The following TICAM1 variants were observed in gnomAD, a reference collection of about 807,000 sequenced individuals.
The protein encoded by TICAM1 is TIR domain containing adaptor molecule 1, also known as TIR domain-containing adapter molecule 1.
For missense variants in TICAM1, 895 were observed against 938.2 expected (o/e 0.95, Z 0.60); for synonymous variants, 439 against 415.4 (o/e 1.06, Z -0.69).
Position 4,816,830 on chromosome 19 carries a change from G to A in TICAM1, c.1548C>T (p.His516=), listed in dbSNP as rs775931722. ...CCACCTTCCTGGCGAAGATCTGGGA[G>A]TGTTCGTCCAGCCGCACCAGCCCGG... The part of the protein sequence containing the change: ...LLSGLVRLDE[H]SQIFARKVAN... Residue 516 remains histidine, a synonymous_variant, in exon 2 of 2, where the codon CAC becomes CAT. Transcript: ENST00000248244. This position sits in a 1 kb window ranked among gnomAD's most constrained non-coding sequence, Gnocchi z 4.3. The A allele has an allele frequency of 6.2e-6, 10 of 1,612,658 alleles. No individual in the cohort carries two copies. The highest frequency in any genetic ancestry group is 8.5e-6 in the Non-Finnish European group (10 of 1,180,042).
chr19:4,819,199 A>C (rs972012133), intron 1 of TICAM1, among the ~76,000 whole-genome samples: 1 of 151,650 alleles, frequency 6.6e-6, no homozygotes, highest in Non-Finnish European at 1.5e-5. Flanking sequence ...GCTTAAGCCC[A>C]GGAGGTTGAG....
Position 4,818,383 on chromosome 19 carries a change from C to T in TICAM1, c.-6G>A. 6.4e-7 allele frequency: 1 copy of T among 1,572,988 alleles called. No homozygotes were observed. Among genetic ancestry groups the T allele is most frequent in the South Asian group, 1.2e-5 (1 of 85,474 alleles). On this transcript the variant is annotated 5_prime_UTR_variant, in exon 2 of 2. In the 5' UTR this introduces an upstream ATG that the reference lacks. Coordinates refer to ENST00000248244, the MANE Select transcript of TICAM1 (RefSeq NM_182919.4). This position sits in a 1 kb window ranked among gnomAD's most constrained non-coding sequence, Gnocchi z 4.0. ...GATGGGCCTGTGCAGGCCATGGGCA[C>T]AGGTGGGTGCAGCCTCCGGCAGCAG...
intron 1 of TICAM1, among the ~76,000 whole-genome samples, chr19:4,828,176 G>A (rs149647550): frequency 0.011 from 1,610 of 151,852 alleles, 27 homozygotes; most frequent in African/African-American, 0.036. Context: ...GTGCAGTGGC[G>A]CGATCTCGGC....
In TICAM1 at chr19:4,816,579, C is replaced by T. The variant is rs1205209111; in HGVS notation, c.1799G>A (p.Gly600Glu). The T allele has an allele frequency of 6.2e-7, 1 of 1,613,198 alleles. No individual in the cohort carries two copies. Among genetic ancestry groups the T allele is most frequent in the East Asian group, 2.2e-5 (1 of 44,888 alleles). The change falls in exon 2 of 2, where the codon GGG becomes GAG. Residue 600 changes from glycine to glutamate, a missense_variant. Coordinates refer to ENST00000248244, the MANE Select transcript of TICAM1 (RefSeq NM_182919.4). This position sits in a 1 kb window ranked among gnomAD's most constrained non-coding sequence, Gnocchi z 4.3. The stretch of plus-strand genomic sequence containing the variant: ...GGGCATTCGAGCCCCATAGGGCGCC[C>T]CAGTCCCAAATGACATGTGGCTCCC... ...AFGSHMSFGT[G>E]APYGARMPFG...
intron 1 of TICAM1, among the ~76,000 whole-genome samples, chr19:4,829,352 C>G (rs113071958): frequency 2.1e-5 from 3 of 142,460 alleles, no homozygotes; most frequent in Admixed American, 1.4e-4. Flanking sequence ...TCTGCCCCCC[C>G]GGGCCTGAAC....
At position 4,818,327 on chromosome 19, in the gene TICAM1, T is replaced by C. The variant is rs768957889; in HGVS notation, c.51A>G (p.Ala17=). Residue 17 remains alanine, a synonymous_variant, in exon 2 of 2, where the codon GCA becomes GCG. Coordinates refer to ENST00000248244, the MANE Select transcript of TICAM1 (RefSeq NM_182919.4). The surrounding 1 kb of genome is among the most constrained non-coding windows in gnomAD (Gnocchi z 4.0). ...SLPSAFDILG[A]AGQDKLLYLK... is the part of the protein sequence containing the mutation. ...GATACAAGAGCTTGTCCTGGCCTGCTGCACCTAGAATGTCGAAGGCGCTAG... is the reference window on the plus strand; with the variant it reads ...GATACAAGAGCTTGTCCTGGCCTGCCGCACCTAGAATGTCGAAGGCGCTAG... 12 of 1,612,370 alleles carry C rather than the reference T, an allele frequency of 7.4e-6. No homozygotes were observed. The highest frequency in any genetic ancestry group is 9.3e-6 in the Non-Finnish European group (11 of 1,179,734).
rs1465402161 is a variant in TICAM1 at position 4,831,654 on chromosome 19, G to T, written c.-180C>A. On this transcript the variant is annotated 5_prime_UTR_variant, in exon 1 of 2. Transcript: ENST00000248244. ...GCCGGCTGCGCCACTGGGTCCTGGGGTCCTGGGGGCTGGGGCTTCTGCGGA... is the reference window on the plus strand; with the variant it reads ...GCCGGCTGCGCCACTGGGTCCTGGGTTCCTGGGGGCTGGGGCTTCTGCGGA... 1 of 152,582 alleles carries T rather than the reference G, an allele frequency of 6.6e-6. No individual in the cohort carries two copies. The highest frequency in any genetic ancestry group is 1.9e-4 in the East Asian group (1 of 5,210). The allele number at this position is 152,582 out of a possible 1,614,324, so 9.5% of individuals were successfully genotyped here.
In TICAM1 at chr19:4,816,217, G is replaced by A; in HGVS notation, c.*22C>T. The A allele has an allele frequency of 6.7e-7, 1 of 1,494,262 alleles. No homozygotes were observed. The highest frequency in any genetic ancestry group is 1.4e-5 in the African/African-American group (1 of 71,486). 92.6% of individuals were successfully genotyped at this position (1,494,262 alleles called of 1,614,324 possible). On this transcript the variant is annotated 3_prime_UTR_variant, in exon 2 of 2. Transcript: ENST00000248244. The surrounding 1 kb of genome is among the most constrained non-coding windows in gnomAD (Gnocchi z 4.3). ...GCCTGGGTCCAGGGGTGTTCCCCAGGTGGTCAGGCAAGGACACGCGGTCAT... is the reference window on the plus strand; with the variant it reads ...GCCTGGGTCCAGGGGTGTTCCCCAGATGGTCAGGCAAGGACACGCGGTCAT...
Position 4,817,595 on chromosome 19 carries a change from A to C in TICAM1, c.783T>G (p.Ile261Met). 6.2e-7 allele frequency: 1 copy of C among 1,606,478 alleles called. No homozygotes were observed. Among genetic ancestry groups the C allele is most frequent in the Middle Eastern group, 1.8e-4 (1 of 5,658 alleles). ...TGCTTGGCAGCTCTGGTGGGCTGGC[A>C]ATCTCCCCCGATGGCGGCCAGCTCA... Reference protein sequence around the residue: ...EEMSWPPSGEIASPPELPSSP... With the variant: ...EEMSWPPSGEMASPPELPSSP... Residue 261 changes from isoleucine to methionine, a missense_variant, in exon 2 of 2, where the codon ATT (isoleucine) becomes ATG (methionine). By Grantham distance (10) the Ile-to-Met change is conservative (BLOSUM62 1). Transcript: ENST00000248244. This position sits in a 1 kb window ranked among gnomAD's most constrained non-coding sequence, Gnocchi z 4.7.
In TICAM1 at chr19:4,818,309, G is replaced by A. The variant is rs774006618; in HGVS notation, c.69C>T (p.Leu23=). The A allele has an allele frequency of 6.2e-7, 1 of 1,612,736 alleles. No homozygotes were observed. Among genetic ancestry groups the A allele is most frequent in the East Asian group, 2.2e-5 (1 of 44,890 alleles). Residue 23 remains leucine (L), a synonymous_variant, in exon 2 of 2, where the codon CTC becomes CTT. Coordinates refer to ENST00000248244, the MANE Select transcript of TICAM1 (RefSeq NM_182919.4). The surrounding 1 kb of genome is among the most constrained non-coding windows in gnomAD (Gnocchi z 4.0). The part of the protein sequence containing the change: ...DILGAAGQDK[L]LYLKHKLKTP... ...TCTTCAGTTTGTGCTTCAGATACAA[G>A]AGCTTGTCCTGGCCTGCTGCACCTA...
chr19:4,816,526 G>A lies in TICAM1; in HGVS notation c.1852C>T (p.Pro618Ser). The change falls in exon 2 of 2, where the codon CCG becomes TCG. Residue 618 changes from proline to serine, a missense_variant. By Grantham distance (74) the Pro-to-Ser change is moderately conservative. Transcript: ENST00000248244. The surrounding 1 kb of genome is among the most constrained non-coding windows in gnomAD (Gnocchi z 4.3). ...CCCGGCCAAGTGGGAAAGGGTGGCG[G>A]GGCTCCCAGGGGCACCTGGCCCCCA... ...PFGGQVPLGA[P>S]PPFPTWPGCP... 1 of 1,597,572 alleles carries A rather than the reference G, an allele frequency of 6.3e-7. No individual in the cohort carries two copies. Among genetic ancestry groups the A allele is most frequent in the Non-Finnish European group, 8.5e-7 (1 of 1,172,894 alleles).
In TICAM1 at chr19:4,817,620, A is replaced by C. The variant is rs2093589216; in HGVS notation, c.758T>G (p.Met253Arg). ...AATCTCCCCCGATGGCGGCCAGCTC[A>C]TCTCCTCAGGCTCCTGGCAGCCACC... ...VPGGCQEPEE[M>R]SWPPSGEIAS... The change falls in exon 2 of 2, where the codon ATG (methionine) becomes AGG (arginine). Residue 253 changes from methionine to arginine, a missense_variant. By Grantham distance (91) the Met-to-Arg change is moderately conservative. Coordinates refer to ENST00000248244, the MANE Select transcript of TICAM1 (RefSeq NM_182919.4). The surrounding 1 kb of genome is among the most constrained non-coding windows in gnomAD (Gnocchi z 4.7). 1.3e-6 allele frequency: 2 copies of C among 1,595,376 alleles called. No homozygotes were observed. Among genetic ancestry groups the C allele is most frequent in the Non-Finnish European group, 8.5e-7 (1 of 1,171,194 alleles).
intron 1 of TICAM1, among the ~76,000 whole-genome samples, chr19:4,825,123 A>G (rs1358125891): frequency 2.0e-5 from 3 of 151,576 alleles, no homozygotes; most frequent in African/African-American, 7.3e-5. Flanking sequence ...CTACTAAAAT[A>G]CAAAAAATTA....
chr19:4,816,700 G>C lies in TICAM1; in HGVS notation c.1678C>G (p.Arg560Gly). Reference sequence around the variant, plus strand: ...GCGTTCAGTGCCGCCGCCTGCATCCGCTCACCGTCCAGGTGTTGGCTCTGT... The same window carrying C: ...GCGTTCAGTGCCGCCGCCTGCATCCCCTCACCGTCCAGGTGTTGGCTCTGT... ...REQSQHLDGE[R>G]MQAAALNAAY... Residue 560 changes from arginine (R) to glycine (G), a missense_variant, in exon 2 of 2, where the codon CGG (arginine) becomes GGG (glycine). Transcript: ENST00000248244. This position sits in a 1 kb window ranked among gnomAD's most constrained non-coding sequence, Gnocchi z 4.3. 1 of 1,614,078 alleles carries C rather than the reference G, an allele frequency of 6.2e-7. No homozygotes were observed. The highest frequency in any genetic ancestry group is 8.5e-7 in the Non-Finnish European group (1 of 1,180,036).
chr19:4,824,762 G>A (rs113302686), intron 1 of TICAM1, among the ~76,000 whole-genome samples: 1,917 of 151,818 alleles, frequency 0.013, 39 homozygotes, highest in African/African-American at 0.044. Context: ...GCGAAATCCC[G>A]TCTCTACTAA....
rs755557071 is a variant in TICAM1 at position 4,817,983 on chromosome 19, C to T, written c.395G>A (p.Arg132Gln). 61 of 1,612,912 alleles carry T rather than the reference C, an allele frequency of 3.8e-5. No homozygotes were observed. The highest frequency in any genetic ancestry group is 6.7e-5 in the East Asian group (3 of 44,878). The change falls in exon 2 of 2, where the codon CGG (arginine) becomes CAG (glutamine). Residue 132 changes from arginine to glutamine, a missense_variant. Arg to Gln is a conservative substitution (Grantham distance 43). Coordinates refer to ENST00000248244, the MANE Select transcript of TICAM1 (RefSeq NM_182919.4). The surrounding 1 kb of genome is among the most constrained non-coding windows in gnomAD (Gnocchi z 4.7). ...GGCCTCATCCTGAAGTTCCCCCAGC[C>T]GGTGGTCGTCCCTGGAGCTGAGGGT... is the stretch of plus-strand genomic sequence containing the variant. Reference protein sequence around the residue: ...VRTLSSRDDHRLGELQDEARN... With the variant: ...VRTLSSRDDHQLGELQDEARN...
At chr19:4,829,332 T>A (rs994010946) in intron 1 of TICAM1, among the ~76,000 whole-genome samples, 10 of 112,328 alleles carry the variant, frequency 8.9e-5, no homozygotes, top group Non-Finnish European at 1.6e-4. Context: ...TGGTCTTTCT[T>A]CTCATTCTCT....
Position 4,817,637 on chromosome 19 carries a change from G to T in TICAM1, c.741C>A (p.Cys247Ter). Residue 247 changes from cysteine (C) to a stop codon, truncating the protein, a stop_gained, in exon 2 of 2, where the codon TGC (cysteine) becomes TGA (stop). Coordinates refer to ENST00000248244, the MANE Select transcript of TICAM1 (RefSeq NM_182919.4). LOFTEE classifies it low-confidence loss of function (END_TRUNC). The surrounding 1 kb of genome is among the most constrained non-coding windows in gnomAD (Gnocchi z 4.7). Reference protein sequence around the residue: ...SLVPEPVPGGCQEPEEMSWPP... With the variant: ...SLVPEPVPGG ...GCCAGCTCATCTCCTCAGGCTCCTGGCAGCCACCGGGGACAGGCTCGGGCA... is the reference window on the plus strand; with the variant it reads ...GCCAGCTCATCTCCTCAGGCTCCTGTCAGCCACCGGGGACAGGCTCGGGCA... 1 of 1,585,148 alleles carries T rather than the reference G, an allele frequency of 6.3e-7. No homozygotes were observed.
rs1256818315 is a variant in TICAM1, at chr19:4,827,212, A to T, written c.-140+4402T>A. Among the ~76,000 whole-genome samples, 5 of 150,942 alleles carry T rather than the reference A, an allele frequency of 3.3e-5. No individual in the cohort carries two copies. The East Asian group carries it at 7.9e-4, about 24-fold the overall frequency. ...CTAAAAATACAAAAATTAGCCGGGC[A>T]TGGTGGCGCAAGCCTGTAATCCCAG... On this transcript the variant is annotated intron_variant, in intron 1 of 1. Coordinates refer to ENST00000248244, the MANE Select transcript of TICAM1 (RefSeq NM_182919.4).
Sources: gnomAD v4.1 joint callset for allele counts (sites outside exome capture counted in the v4.1 genomes callset) on GRCh38, gnomAD v4.1.1 for gene constraint, Gnocchi (gnomAD v3.1) non-coding constraint, MANE v1.5 for transcripts, NCBI Gene and HGNC (gene_info 2026-07-23, HGNC 2026-07-21) for gene names.